Variants in EPB41L5 observed in about 807,000 individuals in gnomAD.
The protein encoded by EPB41L5 is erythrocyte membrane protein band 4.1 like 5, also known as band 4.1-like protein 5.
Under a neutral mutation model 106.6 loss-of-function variants are expected in EPB41L5, and 55 were observed. That is an observed-to-expected ratio of 0.52 (90% CI 0.42 to 0.65). The LOEUF (loss-of-function observed/expected upper bound fraction) is 0.65. Among genes scored for constraint, EPB41L5 ranks in the 30% least tolerant of loss-of-function variants. The pLI, the probability that EPB41L5 is intolerant of heterozygous loss-of-function variation, is 0.00. For missense variants in EPB41L5, 871 were observed against 882.1 expected, an observed-to-expected ratio of 0.99 and a Z score of 0.16; for synonymous variants, 297 against 306.7, an observed-to-expected ratio of 0.97 and a Z score of 0.33.
At chr2:120,017,887 C>T (rs986131535) in intron 1 of EPB41L5, among the ~76,000 whole-genome samples, 4 of 152,166 alleles carry the variant, frequency 2.6e-5, no homozygotes, top group African/African-American at 7.2e-5. Context: ...AGCTCCGCCT[C>T]CCGGGTTCAC....
intron 22 of EPB41L5, among the ~76,000 whole-genome samples, chr2:120,166,530 C>T (rs532507646): frequency 2.2e-4 from 34 of 152,018 alleles, no homozygotes; most frequent in East Asian, 9.7e-4. Flanking sequence ...CTGCAACCTC[C>T]GCCTCCAAGC....
At chr2:120,081,470 C>A (rs1319027016) in intron 10 of EPB41L5, among the ~76,000 whole-genome samples, 1 of 152,134 alleles carries the variant, frequency 6.6e-6, no homozygotes, top group East Asian at 1.9e-4. Flanking sequence ...TGGTCTATAT[C>A]TCTGTTTTGG....
chr2:120,103,365 T>C (rs1389997797), intron 16 of EPB41L5, among the ~76,000 whole-genome samples: 1 of 152,218 alleles, frequency 6.6e-6, no homozygotes, highest in Admixed American at 6.5e-5. Context: ...TGATAAAAGG[T>C]GCCTAATATG....
intron 20 of EPB41L5, among the ~76,000 whole-genome samples, chr2:120,155,579 A>T (rs1008034800): frequency 3.3e-5 from 5 of 152,118 alleles, no homozygotes; most frequent in African/African-American, 1.2e-4. Flanking sequence ...ATTTATTCAA[A>T]TAATCTTTCT....
At chr2:120,019,326 A>G (rs1677766472) in intron 2 of EPB41L5, 62 bp downstream of exon 2, 6 of 1,496,016 alleles carry the variant, frequency 4.0e-6, no homozygotes, top group African/African-American at 1.4e-5. Flanking sequence ...TTGTTTGTTT[A>G]AAAGCTTTGT....
chr2:120,138,182 TA>T (rs1176045135), intron 18 of EPB41L5, among the ~76,000 whole-genome samples: 2 of 151,712 alleles, frequency 1.3e-5, no homozygotes, highest in South Asian at 2.1e-4. Context: ...AAAAAAAAAC[TA>T]AAAAAACTGG....
chr2:120,157,768 CAA>C (rs200155407), intron 20 of EPB41L5, among the ~76,000 whole-genome samples: 28 of 79,524 alleles, frequency 3.5e-4, no homozygotes, highest in African/African-American at 4.5e-4. Flanking sequence ...GACCCTGTCT[CAA>C]AAAAAAAAAA....
rs1409990206 is a variant in EPB41L5, at chr2:120,163,265, C to T, written c.1888-1571C>T. 5.1e-5 allele frequency among the ~76,000 whole-genome samples: 7 copies of T among 137,664 alleles called. 1 individual carries two copies. Among genetic ancestry groups the T allele is most frequent in the Admixed American group, 4.2e-4 (6 of 14,128 alleles). 90.3% of individuals were successfully genotyped at this position (137,664 alleles called of 152,430 possible). On this transcript the variant is annotated intron_variant, in intron 21 of 24. Coordinates refer to ENST00000263713, the MANE Select transcript of EPB41L5 (RefSeq NM_020909.4). ...GCAAGACCGTGTCCCTCTGCCCCCC[C>T]CCCCCCCAAAAAAAGAAAGAAATGT...
chr2:120,055,022 A>G (rs1042425717), intron 3 of EPB41L5, among the ~76,000 whole-genome samples: 3 of 151,742 alleles, frequency 2.0e-5, no homozygotes, highest in African/African-American at 7.3e-5. Flanking sequence ...ATGCACCACC[A>G]TGCCCAGCTA....
chr2:120,122,929 G>A (rs562715554), intron 16 of EPB41L5, among the ~76,000 whole-genome samples: 1 of 152,222 alleles, frequency 6.6e-6, no homozygotes, highest in East Asian at 1.9e-4. Flanking sequence ...TGAAGCAATT[G>A]TGAATGGGAG....
chr2:120,060,285 G>C (rs564149691), intron 3 of EPB41L5, among the ~76,000 whole-genome samples: 2 of 152,276 alleles, frequency 1.3e-5, no homozygotes, highest in Admixed American at 6.5e-5. Flanking sequence ...GAGAGATGAA[G>C]ACTTACTTCC....
At chr2:120,142,107 C>CT (rs75021429) in intron 18 of EPB41L5, among the ~76,000 whole-genome samples, 1,720 of 71,002 alleles carry the variant, frequency 0.024, 29 homozygotes, top group African/African-American at 0.05. Flanking sequence ...TCTGTGCTTT[C>CT]TTTTTTAAAA....
chr2:120,171,278 T>A (rs555543779), intron 24 of EPB41L5, among the ~76,000 whole-genome samples: 2 of 152,334 alleles, frequency 1.3e-5, no homozygotes, highest in South Asian at 4.1e-4. Flanking sequence ...CAGTTCACAC[T>A]GCAGAACCCT....
intron 3 of EPB41L5, among the ~76,000 whole-genome samples, chr2:120,046,385 A>G (rs532804739): frequency 5.5e-4 from 84 of 151,956 alleles, no homozygotes; most frequent in African/African-American, 2.0e-3. Flanking sequence ...TGTGGTTTTG[A>G]TTTGCATTTC....
rs955996197 is a variant in EPB41L5 at position 120,177,999 on chromosome 2, C to G, written c.*3092C>G. ...ATTTATCAGTCACAGAGAGAAAAAT[C>G]TGCTATTTTTCTAAGTAAGAGTCTC... is the stretch of plus-strand genomic sequence containing the variant. On this transcript the variant is annotated 3_prime_UTR_variant, in exon 25 of 25. Transcript: ENST00000263713. The G allele has an allele frequency of 6.6e-6, 1 of 152,472 alleles. No homozygotes were observed. The highest frequency in any genetic ancestry group is 1.5e-5 in the Non-Finnish European group (1 of 68,040). The allele number at this position is 152,472 out of a possible 1,614,324, so 9.4% of individuals were successfully genotyped here. A position where few individuals can be genotyped will look rare whatever the true frequency, so the allele number is the denominator to read the frequency against.
chr2:120,105,555 G>C, intron 16 of EPB41L5: 1 of 985,114 alleles, frequency 1.0e-6, no homozygotes, highest in Non-Finnish European at 1.2e-6. Flanking sequence ...AAGCAGAACT[G>C]ACTAATATTT....
intron 10 of EPB41L5, among the ~76,000 whole-genome samples, chr2:120,082,091 T>C (rs1682712584): frequency 6.6e-6 from 1 of 152,198 alleles, no homozygotes; most frequent in African/African-American, 2.4e-5. Flanking sequence ...CCTAATTGAA[T>C]AGCCTTTATT....
chr2:120,117,093 T>C (rs1454882902), intron 16 of EPB41L5, among the ~76,000 whole-genome samples: 2 of 152,184 alleles, frequency 1.3e-5, no homozygotes, highest in Non-Finnish European at 2.9e-5. Flanking sequence ...CCAGTTTGAG[T>C]ATCTTTCTTC....
rs759054069 is a variant in EPB41L5, at chr2:120,074,129, G to A, written c.358G>A (p.Val120Ile). The change falls in exon 5 of 25, where the codon GTT becomes ATT. Residue 120 changes from valine (V) to isoleucine (I), a missense_variant. Transcript: ENST00000263713. The stretch of plus-strand genomic sequence containing the variant: ...TTCACCCTATTGTCTGCATCTTCGA[G>A]TTAAGTTTTATTCCTCAGAACCAAA... ...IGSPYCLHLR[V>I]KFYSSEPNNL... 3.1e-6 allele frequency: 5 copies of A among 1,611,754 alleles called. No individual in the cohort carries two copies. The Admixed American group carries it at 6.7e-5, about 22-fold the overall frequency.
Sources: gnomAD v4.1 joint callset for allele counts (sites outside exome capture counted in the v4.1 genomes callset) on GRCh38, gnomAD v4.1.1 for gene constraint, MANE v1.5 for transcripts, NCBI Gene and HGNC (gene_info 2026-07-23, HGNC 2026-07-21) for gene names.